Variants in MCTP2 observed in about 807,000 individuals in gnomAD.
MCTP2 encodes multiple C2 and transmembrane domain-containing protein 2.
A neutral mutation model predicts 111.6 loss-of-function variants in MCTP2; 132 were observed. The ratio of observed to expected loss-of-function variants is 1.18; its 90% CI spans 1.03 to 1.37. The LOEUF (loss-of-function observed/expected upper bound fraction) is 1.37, where lower values mean the gene tolerates loss of function less well. MCTP2 is among the 40% of genes most tolerant of loss of function. The pLI, the probability that MCTP2 is intolerant of heterozygous loss-of-function variation, is 0.00. For missense variants in MCTP2, 1,183 were observed against 1,067.9 expected, an observed-to-expected ratio of 1.11 and a Z score of -1.50; for synonymous variants, 395 against 387.7, an observed-to-expected ratio of 1.02 and a Z score of -0.22.
intron 19 of MCTP2, among the ~76,000 whole-genome samples, chr15:94,450,405 T>C (rs2152519759): frequency 6.6e-6 from 1 of 152,328 alleles, no homozygotes; most frequent in East Asian, 1.9e-4. Flanking sequence ...AAATGCCTCA[T>C]GGGAAGAATT....
At chr15:94,393,540 A>G (rs1013845122) in intron 14 of MCTP2, among the ~76,000 whole-genome samples, 1 of 152,192 alleles carries the variant, frequency 6.6e-6, no homozygotes, top group Non-Finnish European at 1.5e-5. Context: ...GGGAAATCCT[A>G]TGTAAGTAAA....
intron 14 of MCTP2, among the ~76,000 whole-genome samples, chr15:94,388,606 T>G (rs2080666066): frequency 6.6e-6 from 1 of 152,236 alleles, no homozygotes; most frequent in African/African-American, 2.4e-5. Context: ...GGATGTGTTT[T>G]AACCTACTTA....
At chr15:94,468,804 T>G (rs1452060363) in intron 20 of MCTP2, among the ~76,000 whole-genome samples, 1 of 152,050 alleles carries the variant, frequency 6.6e-6, no homozygotes, top group Non-Finnish European at 1.5e-5. Context: ...AATTTTTGTA[T>G]TTTAGTAGAG....
At chr15:94,313,613 A>C (rs1018306571) in intron 2 of MCTP2, among the ~76,000 whole-genome samples, 6 of 152,080 alleles carry the variant, frequency 3.9e-5, no homozygotes, top group African/African-American at 1.4e-4. Flanking sequence ...AGGCAGGAGA[A>C]TCACTTGAAC....
At chr15:94,421,452 G>A (rs527880188) in intron 17 of MCTP2, among the ~76,000 whole-genome samples, 9 of 152,264 alleles carry the variant, frequency 5.9e-5, no homozygotes, top group Admixed American at 2.0e-4. Context: ...AGTGCTGGAG[G>A]TCAGAAGTCT....
rs745872034 is a variant in MCTP2 at position 94,249,068 on chromosome 15, T to G, written c.-66+17404T>G. Among the ~76,000 whole-genome samples, 7 of 152,190 alleles carry G rather than the reference T, an allele frequency of 4.6e-5. 1 individual carries two copies. The highest frequency in any genetic ancestry group is 1.0e-4 in the Non-Finnish European group (7 of 68,024). On this transcript the variant is annotated intron_variant, in intron 1 of 22. Coordinates refer to ENST00000357742, the MANE Select transcript of MCTP2 (RefSeq NM_001385001.1). ...GTACTGATTGTTCTCTCTCTGGAGCTTCTGTTCTGTGCAGAGATGACAAAC... is the reference window on the plus strand; with the variant it reads ...GTACTGATTGTTCTCTCTCTGGAGCGTCTGTTCTGTGCAGAGATGACAAAC...
rs1013127744 is a variant in MCTP2, at chr15:94,480,223, CTG to C, written c.*1191_*1192del. 2.6e-5 allele frequency: 4 copies of C among 151,880 alleles called. No individual in the cohort carries two copies. Among genetic ancestry groups the C allele is most frequent in the Admixed American group, 2.0e-4 (3 of 15,256 alleles). 9.4% of individuals were successfully genotyped at this position (151,880 alleles called of 1,614,324 possible). The stretch of plus-strand genomic sequence containing the variant: ...TTAAATGATATTTAAGTTTTAAAGA[CTG>C]TATTTTGTTGACACATACTTTGTGC... On this transcript the variant is annotated 3_prime_UTR_variant, in exon 23 of 23. Coordinates refer to ENST00000357742, the MANE Select transcript of MCTP2 (RefSeq NM_001385001.1).
chr15:94,399,726 C>T, intron 15 of MCTP2, 195 bp from the exon 16 acceptor site: 1 of 563,970 alleles, frequency 1.8e-6, no homozygotes, highest in East Asian at 3.0e-5. Context: ...TCAATCTGAC[C>T]CATGCCAGGG....
intron 17 of MCTP2, among the ~76,000 whole-genome samples, chr15:94,422,451 G>T (rs1180342284): frequency 6.6e-6 from 1 of 152,166 alleles, no homozygotes; most frequent in Non-Finnish European, 1.5e-5. Flanking sequence ...TGTATTCTCT[G>T]TAAAACATCC....
At chr15:94,323,447 C>T (rs2076714568) in intron 4 of MCTP2, among the ~76,000 whole-genome samples, 1 of 152,176 alleles carries the variant, frequency 6.6e-6, no homozygotes, top group Non-Finnish European at 1.5e-5. Context: ...TCATGGGAGG[C>T]TGAGAAGTTT....
chr15:94,390,392 T>A (rs1159973935), intron 14 of MCTP2, among the ~76,000 whole-genome samples: 1 of 152,136 alleles, frequency 6.6e-6, no homozygotes, highest in Non-Finnish European at 1.5e-5. Context: ...TGGAAAACTC[T>A]AAGCACACTT....
chr15:94,339,376 T>A lies in MCTP2; in HGVS notation c.724T>A (p.Trp242Arg). ...KVIYKNLNPVWDEIVVLPIQS... is the reference protein window; with the variant it reads ...KVIYKNLNPVRDEIVVLPIQS... ...CATATATAAGAACTTGAACCCAGTA[T>A]GGGATGAGATAGTTGTATTGCCAAT... Residue 242 changes from tryptophan to arginine, a missense_variant, in exon 5 of 23, where the codon TGG (tryptophan) becomes AGG (arginine). Trp to Arg is a moderately radical substitution (Grantham distance 101). Transcript: ENST00000357742. 1 of 1,612,424 alleles carries A rather than the reference T, an allele frequency of 6.2e-7. No homozygotes were observed. The highest frequency in any genetic ancestry group is 8.5e-7 in the Non-Finnish European group (1 of 1,179,030).
At chr15:94,250,239 G>A (rs990552965) in intron 1 of MCTP2, among the ~76,000 whole-genome samples, 7 of 152,118 alleles carry the variant, frequency 4.6e-5, no homozygotes, top group South Asian at 4.1e-4. Context: ...TCGTATTTCT[G>A]TTCCTGGTGT....
intron 17 of MCTP2, among the ~76,000 whole-genome samples, chr15:94,432,834 T>A (rs17662701): frequency 0.1 from 15,391 of 152,214 alleles, 939 homozygotes; most frequent in African/African-American, 0.16. Flanking sequence ...TAATTTCAAA[T>A]GAGGAGATCC....
chr15:94,303,259 A>C (rs1190512260), intron 2 of MCTP2, among the ~76,000 whole-genome samples: 1 of 151,614 alleles, frequency 6.6e-6, no homozygotes, highest in Admixed American at 6.6e-5. Flanking sequence ...CTGAGGAGCA[A>C]GCAGTCCAGG....
intron 1 of MCTP2, among the ~76,000 whole-genome samples, chr15:94,236,861 G>A (rs1322024039): frequency 6.6e-6 from 1 of 152,088 alleles, no homozygotes; most frequent in African/African-American, 2.4e-5. Flanking sequence ...GTAGGTTATT[G>A]GGCTTGATTA....
chr15:94,378,413 T>A (rs548792997), intron 12 of MCTP2, among the ~76,000 whole-genome samples: 1 of 151,608 alleles, frequency 6.6e-6, no homozygotes, highest in East Asian at 1.9e-4. Flanking sequence ...TCCTAGCTAG[T>A]CATAGAGGCT....
intron 7 of MCTP2, chr15:94,344,074 A>C (rs1260550697): frequency 4.6e-5 from 7 of 152,072 alleles, no homozygotes; most frequent in South Asian, 2.1e-4. Flanking sequence ...CAAAAAAAAA[A>C]AACAAAACCC....
chr15:94,277,732 A>T (rs1276277000), intron 1 of MCTP2, among the ~76,000 whole-genome samples: 2 of 152,290 alleles, frequency 1.3e-5, no homozygotes, highest in East Asian at 3.9e-4. Context: ...ACTACTCTGT[A>T]TAATACTGTA....
Sources: gnomAD v4.1 joint callset for allele counts (sites outside exome capture counted in the v4.1 genomes callset) on GRCh38, gnomAD v4.1.1 for gene constraint, MANE v1.5 for transcripts, NCBI Gene and HGNC (gene_info 2026-07-23, HGNC 2026-07-21) for gene names.